Variants in POLH observed in about 807,000 individuals in gnomAD.
POLH encodes DNA polymerase eta.
POLH carries 53 observed loss-of-function variants against 73.6 expected under a neutral mutation model. That is an observed-to-expected ratio of 0.72 (90% CI 0.58 to 0.91). The LOEUF is 0.91. POLH is among the 40% of genes least tolerant of loss of function. The pLI, the probability that POLH is intolerant of heterozygous loss-of-function variation, is 0.00. For synonymous variants in POLH, 292 were observed against 308.5 expected, an observed-to-expected ratio of 0.95 and a Z score of 0.56; for missense variants, 768 against 865.4, an observed-to-expected ratio of 0.89 and a Z score of 1.41.
At chr6:43,578,304 T>C in intron 1 of POLH, 1 of 307,374 alleles carries the variant, frequency 3.3e-6, no homozygotes, top group Non-Finnish European at 6.3e-6. Flanking sequence ...GGAGAATCGC[T>C]TGAACCCGGG....
intron 4 of POLH, chr6:43,588,323 C>A (rs1373985803): frequency 6.6e-6 from 1 of 152,224 alleles, no homozygotes; most frequent in Admixed American, 6.5e-5. Flanking sequence ...CCCACAGATA[C>A]ATTTGATATA....
rs56210561 is a variant in POLH, at chr6:43,576,203, C to G, written c.-242C>G. On this transcript the variant is annotated 5_prime_UTR_variant, in exon 1 of 11. Coordinates refer to ENST00000372236, the MANE Select transcript of POLH (RefSeq NM_006502.3). The stretch of plus-strand genomic sequence containing the variant: ...AGACCTCAGTCTGGCGGCTGCATTG[C>G]TGGGCGCGCCGCTCTCGTCTGATCC... The G allele has an allele frequency of 3.4e-4, 73 of 217,800 alleles. No individual in the cohort carries two copies. In the East Asian group the frequency reaches 6.8e-3, roughly 20 times the overall value. The allele number at this position is 217,800 out of a possible 1,614,324, so 13.5% of individuals were successfully genotyped here. A position where few individuals can be genotyped will look rare whatever the true frequency, so the allele number is the denominator to read the frequency against.
At chr6:43,592,681 C>G (rs1279063721) in intron 4 of POLH, among the ~76,000 whole-genome samples, 2 of 152,142 alleles carry the variant, frequency 1.3e-5, no homozygotes, top group Non-Finnish European at 2.9e-5. Flanking sequence ...TCCCAAAGTG[C>G]TGGGATTACA....
intron 9 of POLH, among the ~76,000 whole-genome samples, chr6:43,609,112 C>T (rs1767615261): frequency 6.6e-6 from 1 of 152,126 alleles, no homozygotes; most frequent in African/African-American, 2.4e-5. Flanking sequence ...AGGAGGTCCT[C>T]CCTAGTTACC....
At chr6:43,611,636 C>T (rs1489732528) in intron 10 of POLH, among the ~76,000 whole-genome samples, 2 of 152,092 alleles carry the variant, frequency 1.3e-5, no homozygotes, top group East Asian at 3.8e-4. Flanking sequence ...CAGTTGCTCA[C>T]TTACAGATGT....
chr6:43,585,026 T>G (rs1174423059), intron 3 of POLH, among the ~76,000 whole-genome samples: 2 of 152,046 alleles, frequency 1.3e-5, no homozygotes, highest in East Asian at 1.9e-4. Flanking sequence ...AGACATGGTG[T>G]TGTGCAGCTC....
chr6:43,582,760 A>G (rs1248298170), intron 2 of POLH, among the ~76,000 whole-genome samples: 1 of 152,198 alleles, frequency 6.6e-6, no homozygotes, highest in Non-Finnish European at 1.5e-5. Context: ...TTGCCCAAGC[A>G]GGTCTTGAAC....
intron 4 of POLH, among the ~76,000 whole-genome samples, chr6:43,588,976 T>G (rs1288172076): frequency 6.6e-6 from 1 of 152,128 alleles, no homozygotes; most frequent in Non-Finnish European, 1.5e-5. Context: ...TAGCTGGGAT[T>G]ACGGGCGCCC....
chr6:43,582,151 A>G (rs1764351509), intron 1 of POLH, among the ~76,000 whole-genome samples, 165 bp from the exon 2 acceptor site: 1 of 152,236 alleles, frequency 6.6e-6, no homozygotes. Flanking sequence ...CAGCCATTTC[A>G]GATAAGGGAT....
rs905371841 is a variant in POLH at position 43,617,630 on chromosome 6, A to G, written c.*3073A>G. Among the ~76,000 whole-genome samples, 1 of 151,960 alleles carries G rather than the reference A, an allele frequency of 6.6e-6. No individual in the cohort carries two copies. Among genetic ancestry groups the G allele is most frequent in the African/African-American group, 2.4e-5 (1 of 41,352 alleles). On this transcript the variant is annotated 3_prime_UTR_variant, in exon 11 of 11. Coordinates refer to ENST00000372236, the MANE Select transcript of POLH (RefSeq NM_006502.3). ...CAACAGAGTGACACTGTTTAAAAAA[A>G]AAAAAATTCCCAATGTGGGCCGGGT...
At chr6:43,588,912 A>T (rs1765135552) in intron 4 of POLH, among the ~76,000 whole-genome samples, 1 of 147,976 alleles carries the variant, frequency 6.8e-6, no homozygotes, top group Non-Finnish European at 1.5e-5. Flanking sequence ...ATCTCGGCTC[A>T]CTGCAAGCTC....
rs879347314 is a variant in POLH at position 43,620,092 on chromosome 6, A to C, written c.*5535A>C. On this transcript the variant is annotated 3_prime_UTR_variant, in exon 11 of 11. Coordinates refer to ENST00000372236, the MANE Select transcript of POLH (RefSeq NM_006502.3). ...TTCCAAGAGTAATTTAGGCTATGTA[A>C]ACTTGAAAAATATGGGACCAGATTA... The C allele has an allele frequency of 3.0e-6, 1 of 338,122 alleles. No individual in the cohort carries two copies. The highest frequency in any genetic ancestry group is 5.6e-6 in the Non-Finnish European group (1 of 177,684). 20.9% of individuals were successfully genotyped at this position (338,122 alleles called of 1,614,324 possible).
chr6:43,613,703 T>C lies in POLH; in HGVS notation c.1288T>C (p.Ser430Pro), dbSNP rs886061435. The C allele has an allele frequency of 6.2e-6, 10 of 1,614,034 alleles. No individual in the cohort carries two copies. The highest frequency in any genetic ancestry group is 7.6e-6 in the Non-Finnish European group (9 of 1,179,974). ...TMLFLCATKF[S>P]ASAPSSSTDI... ...GCTTTTCCTCTGTGCTACAAAATTT[T>C]CTGCCTCTGCCCCTTCATCTTCTAC... Residue 430 changes from serine (S) to proline (P), a missense_variant, in exon 11 of 11, where the codon TCT becomes CCT. Ser to Pro is a moderately conservative substitution (Grantham distance 74). Coordinates refer to ENST00000372236, the MANE Select transcript of POLH (RefSeq NM_006502.3).
rs1284847392 is a variant in POLH, at chr6:43,616,392, G to A, written c.*1835G>A. Among the ~76,000 whole-genome samples the A allele has an allele frequency of 6.6e-6, 1 of 150,964 alleles. No homozygotes were observed. Among genetic ancestry groups the A allele is most frequent in the East Asian group, 1.9e-4 (1 of 5,138 alleles). ...GTGGATTGCAGGAGCTCAGGAGTTC[G>A]AGACCAGCCTGGGCAAGGTGGCAAA... On this transcript the variant is annotated 3_prime_UTR_variant, in exon 11 of 11. Coordinates refer to ENST00000372236, the MANE Select transcript of POLH (RefSeq NM_006502.3).
At position 43,605,267 on chromosome 6, in the gene POLH, T is replaced by C. The variant is rs1168869146; in HGVS notation, c.1022T>C (p.Leu341Pro). Residue 341 changes from leucine (L) to proline (P), a missense_variant, in exon 9 of 11, where the codon CTG becomes CCG. Transcript: ENST00000372236. ...ATACTTTTTTAGGTACAATGGTGGC[T>C]GTTGCAATTAGCCCAGGAACTAGAG... is the stretch of plus-strand genomic sequence containing the variant. ...LATREQVQWWLLQLAQELEER... is the reference protein window; with the variant it reads ...LATREQVQWWPLQLAQELEER... The C allele has an allele frequency of 6.3e-7, 1 of 1,583,416 alleles. No individual in the cohort carries two copies. Among genetic ancestry groups the C allele is most frequent in the Non-Finnish European group, 8.7e-7 (1 of 1,152,266 alleles).
intron 1 of POLH, among the ~76,000 whole-genome samples, chr6:43,580,966 T>G (rs1427895051): frequency 2.7e-5 from 3 of 110,188 alleles, no homozygotes; most frequent in African/African-American, 1.0e-4. Context: ...CCCTCCCGGA[T>G]GGGGCGGCTG....
At position 43,583,161 on chromosome 6, in the gene POLH, T is replaced by A. The variant is rs1209407505; in HGVS notation, c.272+20T>A. 6.2e-7 allele frequency: 1 copy of A among 1,611,036 alleles called. No homozygotes were observed. Among genetic ancestry groups the A allele is most frequent in the Non-Finnish European group, 8.5e-7 (1 of 1,177,598 alleles). ...CACCAAGTAAGAAAAAAACATTATT[T>A]AAGGAGACATAAAGGAGTCGAAAAT... On this transcript the variant is annotated intron_variant, in intron 3 of 10. Coordinates refer to ENST00000372236, the MANE Select transcript of POLH (RefSeq NM_006502.3).
chr6:43,578,843 G>A (rs1763693862), intron 1 of POLH, among the ~76,000 whole-genome samples: 2 of 151,970 alleles, frequency 1.3e-5, no homozygotes, highest in African/African-American at 4.8e-5. Context: ...ATTCCGTATT[G>A]GTTCTCTTCC....
intron 5 of POLH, 71 bp from the exon 6 acceptor site, chr6:43,600,917 T>C (rs1233471885): frequency 2.2e-6 from 2 of 892,846 alleles, no homozygotes; most frequent in African/African-American, 1.6e-5. Context: ...GTGTATGTTA[T>C]GTGTATGTTT....
Sources: gnomAD v4.1 joint callset for allele counts (sites outside exome capture counted in the v4.1 genomes callset) on GRCh38, gnomAD v4.1.1 for gene constraint, MANE v1.5 for transcripts, NCBI Gene and HGNC (gene_info 2026-07-23, HGNC 2026-07-21) for gene names.